SCGN: variants seen among roughly 807,000 people sequenced by gnomAD.
SCGN encodes the protein secretagogin.
Under a neutral mutation model 39.7 loss-of-function variants are expected in SCGN, and 30 were observed. That is an observed-to-expected ratio of 0.76 (90% CI 0.57 to 1.03). The LOEUF (loss-of-function observed/expected upper bound fraction) is 1.03. SCGN is among the 50% of genes least tolerant of loss of function. The probability of loss-of-function intolerance (pLI) is 0.00; values close to 1 mark genes in which losing one functional copy is unlikely to be tolerated. For missense variants in SCGN, 353 were observed against 349.4 expected, an observed-to-expected ratio of 1.01 and a Z score of -0.08; for synonymous variants, 106 against 114.1, an observed-to-expected ratio of 0.93 and a Z score of 0.45.
rs553911007 is a variant in SCGN at position 25,679,468 on chromosome 6, G to A, written c.472-2483G>A. 9.4e-5 allele frequency among the ~76,000 whole-genome samples: 13 copies of A among 138,838 alleles called. No homozygotes were observed. In the East Asian group the frequency reaches 1.6e-3, roughly 17 times the overall value. The allele number at this position is 138,838 out of a possible 152,430, so 91.1% of individuals were successfully genotyped here. On this transcript the variant is annotated intron_variant, in intron 6 of 10. Transcript: ENST00000377961. ...GAGCACCCTTGCAGCTTCAGGGCAC[G>A]GAGCCCCGTGGGCAGGTGTGTGTGT...
intron 6 of SCGN, among the ~76,000 whole-genome samples, chr6:25,674,806 T>C (rs9461194): frequency 0.013 from 1,960 of 152,316 alleles, 26 homozygotes; most frequent in African/African-American, 0.035. Context: ...GGAGACAGCC[T>C]ATTATTAAAA....
At chr6:25,667,138 G>A (rs1358868165) in intron 4 of SCGN, among the ~76,000 whole-genome samples, 2 of 152,062 alleles carry the variant, frequency 1.3e-5, no homozygotes, top group East Asian at 1.9e-4. Context: ...ATTTTGTACA[G>A]TGAACATGAT....
chr6:25,654,891 G>T, intron 2 of SCGN, among the ~76,000 whole-genome samples: 1 of 152,088 alleles, frequency 6.6e-6, no homozygotes, highest in Non-Finnish European at 1.5e-5. Context: ...TCTTTCCTCT[G>T]GTCAGACCAC....
At chr6:25,690,947 C>T in intron 9 of SCGN, 109 bp from the exon 10 acceptor site, 1 of 740,696 alleles carries the variant, frequency 1.4e-6, no homozygotes, top group South Asian at 1.8e-5. Context: ...ACTTCTAAAT[C>T]TATTTGCGGC....
chr6:25,698,562 T>C (rs969979151), intron 10 of SCGN, among the ~76,000 whole-genome samples: 19 of 152,296 alleles, frequency 1.2e-4, no homozygotes, highest in African/African-American at 4.3e-4. Context: ...CATCCCCACA[T>C]TGCACTGTAC....
chr6:25,652,241 A>T lies in SCGN; in HGVS notation c.-163A>T. On this transcript the variant is annotated 5_prime_UTR_variant, in exon 1 of 11. Transcript: ENST00000377961. ...CTGAGGGCTGAGGGACGGCTCAGCG[A>T]CGCCACGGCCAGCAGCGCTCGCGTC... 1.6e-6 allele frequency: 1 copy of T among 618,522 alleles called. No homozygotes were observed. The highest frequency in any genetic ancestry group is 2.8e-6 in the Non-Finnish European group (1 of 351,548). The allele number at this position is 618,522 out of a possible 1,614,324, so 38.3% of individuals were successfully genotyped here. A position where few individuals can be genotyped will look rare whatever the true frequency, so the allele number is the denominator to read the frequency against.
intron 4 of SCGN, among the ~76,000 whole-genome samples, chr6:25,667,064 T>A (rs868150989): frequency 6.6e-6 from 1 of 152,094 alleles, no homozygotes; most frequent in African/African-American, 2.4e-5. Flanking sequence ...ACAGAAACAA[T>A]AAGTAATTAT....
intron 6 of SCGN, among the ~76,000 whole-genome samples, chr6:25,675,536 T>A (rs2010291): frequency 6.6e-6 from 1 of 152,142 alleles, no homozygotes; most frequent in Non-Finnish European, 1.5e-5. Context: ...TTCCAAGCCC[T>A]GTCTTTTGGA....
At chr6:25,662,883 T>C (rs1478008046) in intron 3 of SCGN, among the ~76,000 whole-genome samples, 1 of 152,214 alleles carries the variant, frequency 6.6e-6, no homozygotes, top group East Asian at 1.9e-4. Context: ...TTCACTGTTG[T>C]AATTTTCCAG....
At chr6:25,687,741 C>G (rs2151382038) in intron 7 of SCGN, among the ~76,000 whole-genome samples, 1 of 152,162 alleles carries the variant, frequency 6.6e-6, no homozygotes, top group African/African-American at 2.4e-5. Context: ...ATTTGTTTCT[C>G]TTTGTCTTAA....
chr6:25,660,470 T>G (rs972286038), intron 2 of SCGN, among the ~76,000 whole-genome samples: 1 of 152,120 alleles, frequency 6.6e-6, no homozygotes, highest in African/African-American at 2.4e-5. Context: ...CTTTTCTGGG[T>G]TTTATACCTG....
intron 7 of SCGN, among the ~76,000 whole-genome samples, chr6:25,684,745 G>A (rs1055130947): frequency 1.3e-5 from 2 of 152,134 alleles, no homozygotes; most frequent in African/African-American, 4.8e-5. Context: ...AGGAGGCAGA[G>A]TTTGCAGTGA....
chr6:25,652,257 C>T lies in SCGN; in HGVS notation c.-147C>T, dbSNP rs747100101. 38 of 664,434 alleles carry T rather than the reference C, an allele frequency of 5.7e-5. No homozygotes were observed. The highest frequency in any genetic ancestry group is 8.9e-5 in the Non-Finnish European group (34 of 383,166). 41.2% of individuals were successfully genotyped at this position (664,434 alleles called of 1,614,324 possible). A position where few individuals can be genotyped will look rare whatever the true frequency, so the allele number is the denominator to read the frequency against. On this transcript the variant is annotated 5_prime_UTR_variant, in exon 1 of 11. Coordinates refer to ENST00000377961, the MANE Select transcript of SCGN (RefSeq NM_006998.4). ...GGCTCAGCGACGCCACGGCCAGCAG[C>T]GCTCGCGTCCTCCCCAGCAACAGTT...
At chr6:25,663,132 C>T (rs9461190) in intron 3 of SCGN, among the ~76,000 whole-genome samples, 19,336 of 152,162 alleles carry the variant, frequency 0.13, 1,315 homozygotes, top group Middle Eastern at 0.16. Context: ...CGCCTTAAAA[C>T]GCAATGAGTC....
chr6:25,658,003 C>CTTTTTTTTTTTTTTTTTTTTTTTTT (rs759915721), intron 2 of SCGN, among the ~76,000 whole-genome samples: 2 of 70,408 alleles, frequency 2.8e-5, no homozygotes, highest in Non-Finnish European at 5.5e-5. Context: ...GAAAGGTATC[C>CTTTTTTTTTTTTTTTTTTTTTTTTT]TTTTTTTTTT....
chr6:25,694,406 TA>T (rs1167236947), intron 10 of SCGN, among the ~76,000 whole-genome samples: 1 of 152,034 alleles, frequency 6.6e-6, no homozygotes, highest in Non-Finnish European at 1.5e-5. Flanking sequence ...TGCAAAAAAT[TA>T]GTTGGAAGCA....
chr6:25,701,240 C>T lies in SCGN; in HGVS notation c.736C>T (p.Arg246Cys), dbSNP rs1419654916. 15 of 1,612,918 alleles carry T rather than the reference C, an allele frequency of 9.3e-6. No individual in the cohort carries two copies. The highest frequency in any genetic ancestry group is 8.8e-5 in the South Asian group (8 of 90,788). The change falls in exon 11 of 11, where the codon CGC becomes TGC. Residue 246 changes from arginine to cysteine, a missense_variant. Coordinates refer to ENST00000377961, the MANE Select transcript of SCGN (RefSeq NM_006998.4). ...CAGCGGGGTGGACCTTGATAAGTTC[C>T]GCGAGATTCTCCTGCGTCACTGCGA... is the stretch of plus-strand genomic sequence containing the variant. ...SISGVDLDKF[R>C]EILLRHCDVN... is the part of the protein sequence containing the mutation.
At chr6:25,654,906 G>T (rs143306616) in intron 2 of SCGN, among the ~76,000 whole-genome samples, 404 of 152,226 alleles carry the variant, frequency 2.7e-3, no homozygotes, top group African/African-American at 9.4e-3. Context: ...GACCACTTGC[G>T]CACACTCCTC....
At position 25,660,079 on chromosome 6, in the gene SCGN, A is replaced by G. The variant is rs55852137; in HGVS notation, c.154-1473A>G. On this transcript the variant is annotated intron_variant, in intron 2 of 10. Transcript: ENST00000377961. ...AAGCTAGCAGGCCAGCAAGGAAGCC[A>G]GGGGCTAAAGGTTATAGTACATTTT... 8.6e-3 allele frequency among the ~76,000 whole-genome samples: 1,303 copies of G among 152,336 alleles called. 19 individuals carry two copies. Among genetic ancestry groups the G allele is most frequent in the African/African-American group, 0.028 (1,178 of 41,586 alleles).
Sources: allele counts gnomAD v4.1 joint callset (sites outside exome capture counted in the v4.1 genomes callset), GRCh38; gene constraint gnomAD v4.1.1; transcripts MANE v1.5; gene names NCBI Gene and HGNC (gene_info 2026-07-23, HGNC 2026-07-21).